Variants in TBCE observed in about 807,000 individuals in gnomAD.
The protein encoded by TBCE is tubulin-specific chaperone E.
TBCE carries 53 observed loss-of-function variants against 77.0 expected under a neutral mutation model. The ratio of observed to expected loss-of-function variants is 0.69; its 90% CI spans 0.55 to 0.87. The LOEUF is 0.87. Ranked by LOEUF, TBCE falls within the 40% of genes least tolerant of loss-of-function variation. TBCE has a pLI of 0.00. For missense variants in TBCE, 624 were observed against 622.4 expected, an observed-to-expected ratio of 1.00 and a Z score of -0.03; for synonymous variants, 235 against 241.3, an observed-to-expected ratio of 0.97 and a Z score of 0.24.
chr1:235,414,774 T>TA, intron 4 of TBCE, 156 bp downstream of exon 4: 1 of 723,836 alleles, frequency 1.4e-6, no homozygotes, highest in African/African-American at 1.8e-5. Context: ...ATCCAAGAAT[T>TA]ATTTAGGGAA....
chr1:235,413,337 G>C (rs1337424269), intron 3 of TBCE, among the ~76,000 whole-genome samples: 1 of 151,208 alleles, frequency 6.6e-6, no homozygotes, highest in South Asian at 2.1e-4. Flanking sequence ...CTCTCACCGA[G>C]GTGACAGAGT....
chr1:235,417,403 C>T (rs145499175), intron 4 of TBCE, among the ~76,000 whole-genome samples: 25 of 152,188 alleles, frequency 1.6e-4, no homozygotes, highest in Non-Finnish European at 3.1e-4. Context: ...GCAATTGCCG[C>T]GATAAAACAC....
intron 2 of TBCE, among the ~76,000 whole-genome samples, chr1:235,393,337 G>A (rs577508976): frequency 1.1e-4 from 16 of 152,306 alleles, no homozygotes; most frequent in African/African-American, 3.4e-4. Context: ...AGGAGATCGA[G>A]ACCTTCCTGG....
intron 1 of TBCE, among the ~76,000 whole-genome samples, chr1:235,379,145 T>C (rs762369277): frequency 6.6e-6 from 1 of 152,188 alleles, no homozygotes; most frequent in Non-Finnish European, 1.5e-5. Flanking sequence ...GATTCTGTCA[T>C]TGATCCCCTT....
chr1:235,449,314 ATCT>A lies in TBCE; in HGVS notation c.*559_*561del, dbSNP rs139841540. The A allele has an allele frequency of 0.05, 7,906 of 158,814 alleles. 359 individuals are homozygous for A. Among genetic ancestry groups the A allele is most frequent in the African/African-American group, 0.12 (5,025 of 41,542 alleles). The allele number at this position is 158,814 out of a possible 1,614,324, so 9.8% of individuals were successfully genotyped here. On this transcript the variant is annotated 3_prime_UTR_variant, in exon 17 of 17. Coordinates refer to ENST00000642610, the MANE Select transcript of TBCE (RefSeq NM_003193.5). ...CTACAATTATACCTAAGCTGAGTAT[ATCT>A]TCTTCTGTGATAACCAGCTTTGATT... is the stretch of plus-strand genomic sequence containing the variant.
At chr1:235,441,940 G>A in intron 14 of TBCE, 58 bp downstream of exon 14, 1 of 1,453,968 alleles carries the variant, frequency 6.9e-7, no homozygotes, top group Non-Finnish European at 9.6e-7. Flanking sequence ...TGCTGAAACA[G>A]TTAGTGTGTT....
chr1:235,437,680 C>T (rs1387129867), intron 12 of TBCE, among the ~76,000 whole-genome samples: 3 of 151,692 alleles, frequency 2.0e-5, no homozygotes. Context: ...CATGGTGGCA[C>T]GCGCCTGTAA....
chr1:235,386,087 G>T (rs1677979116), intron 2 of TBCE, among the ~76,000 whole-genome samples: 1 of 152,060 alleles, frequency 6.6e-6, no homozygotes, highest in Non-Finnish European at 1.5e-5. Context: ...GCTTAGTTTG[G>T]CTGGATATGA....
intron 5 of TBCE, among the ~76,000 whole-genome samples, chr1:235,424,829 CAG>C (rs1204749923): frequency 6.6e-6 from 1 of 151,808 alleles, no homozygotes; most frequent in Admixed American, 6.6e-5. Context: ...TTAGTAGAGA[CAG>C]GGTTTCACCG....
intron 15 of TBCE, among the ~76,000 whole-genome samples, 188 bp from the exon 16 acceptor site, chr1:235,448,161 T>C (rs970947721): frequency 6.1e-5 from 9 of 148,270 alleles, no homozygotes; most frequent in East Asian, 2.0e-4. Context: ...GATTACACCA[T>C]TGCACTCCAG....
chr1:235,370,589 C>G (rs1676862976), intron 1 of TBCE, among the ~76,000 whole-genome samples: 1 of 149,406 alleles, frequency 6.7e-6, no homozygotes, highest in African/African-American at 2.5e-5. Flanking sequence ...TATTGTACTT[C>G]CCTGTAAAAT....
intron 2 of TBCE, among the ~76,000 whole-genome samples, chr1:235,386,749 C>T: frequency 6.6e-6 from 1 of 152,064 alleles, no homozygotes; most frequent in East Asian, 1.9e-4. Flanking sequence ...TTTGAATTTC[C>T]TCCTGTAGCT....
chr1:235,408,637 G>C (rs111393948), intron 3 of TBCE, among the ~76,000 whole-genome samples: 62 of 152,226 alleles, frequency 4.1e-4, no homozygotes, highest in African/African-American at 1.2e-3. Context: ...TCTACAGCAA[G>C]GTGCTTATCT....
chr1:235,447,970 G>C (rs6429095), intron 15 of TBCE, among the ~76,000 whole-genome samples: 81,333 of 151,488 alleles, frequency 0.54, 22,123 homozygotes, highest in East Asian at 0.7. Flanking sequence ...CAGCACTTTG[G>C]GGGGCCAGGG....
chr1:235,417,589 A>G (rs762197145), intron 4 of TBCE, among the ~76,000 whole-genome samples: 2 of 152,188 alleles, frequency 1.3e-5, no homozygotes, highest in Non-Finnish European at 2.9e-5. Context: ...ATAAGTAATG[A>G]TTAAGTTGTT....
At chr1:235,387,110 C>T (rs931369474) in intron 2 of TBCE, among the ~76,000 whole-genome samples, 40 of 152,300 alleles carry the variant, frequency 2.6e-4, no homozygotes, top group Non-Finnish European at 5.0e-4. Context: ...TGCAGAACAG[C>T]GGATTTTCGT....
At chr1:235,405,772 A>G (rs1184450813) in intron 3 of TBCE, among the ~76,000 whole-genome samples, 1 of 152,216 alleles carries the variant, frequency 6.6e-6, no homozygotes, top group Non-Finnish European at 1.5e-5. Flanking sequence ...TGTATGTGCT[A>G]TACTTTTATG....
intron 13 of TBCE, 73 bp downstream of exon 13, chr1:235,438,995 A>G (rs1681647758): frequency 1.2e-6 from 2 of 1,603,610 alleles, no homozygotes; most frequent in African/African-American, 1.3e-5. Flanking sequence ...TTGGGTATCA[A>G]AAGAGGTTCT....
intron 2 of TBCE, among the ~76,000 whole-genome samples, chr1:235,385,265 G>T (rs1167880171): frequency 6.6e-6 from 1 of 152,056 alleles, no homozygotes; most frequent in Non-Finnish European, 1.5e-5. Flanking sequence ...AATAGGTGTG[G>T]TGTGGTGCTG....
Sources: gnomAD v4.1 joint callset for allele counts (sites outside exome capture counted in the v4.1 genomes callset) on GRCh38, gnomAD v4.1.1 for gene constraint, MANE v1.5 for transcripts, NCBI Gene and HGNC (gene_info 2026-07-23, HGNC 2026-07-21) for gene names.